The following CARD8 variants were observed in gnomAD, a reference collection of about 807,000 sequenced individuals.
CARD8 encodes the protein caspase recruitment domain family member 8, also known as caspase recruitment domain-containing protein 8.
CARD8 carries 38 observed loss-of-function variants against 53.2 expected under a neutral mutation model. The ratio of observed to expected loss-of-function variants is 0.71; its 90% CI spans 0.55 to 0.94. CARD8 has a LOEUF of 0.94. CARD8 is among the 40% of genes least tolerant of loss of function. The pLI is 0.00. For missense variants in CARD8, 561 were observed against 655.5 expected (o/e 0.86, Z 1.57); for synonymous variants, 245 against 244.9 (o/e 1.00, Z 0.00).
At chr19:48,222,332 C>T in intron 10 of CARD8, among the ~76,000 whole-genome samples, 1 of 152,154 alleles carries the variant, frequency 6.6e-6, no homozygotes, top group East Asian at 1.9e-4. Flanking sequence ...CACCTGACCA[C>T]CAGCGAGCAG....
intron 12 of CARD8, among the ~76,000 whole-genome samples, chr19:48,216,440 G>A (rs1019920482): frequency 1.3e-5 from 2 of 152,172 alleles, no homozygotes; most frequent in South Asian, 4.1e-4. Context: ...CCGACTGGAG[G>A]GAGGAGGCGG....
chr19:48,220,559 T>C (rs1002711530), intron 11 of CARD8, among the ~76,000 whole-genome samples: 1 of 152,134 alleles, frequency 6.6e-6, no homozygotes, highest in African/African-American at 2.4e-5. Context: ...CTAGAGATGG[T>C]ATATTGTGCT....
chr19:48,242,138 C>G (rs1009608860), intron 3 of CARD8, among the ~76,000 whole-genome samples: 1 of 152,170 alleles, frequency 6.6e-6, no homozygotes, highest in Non-Finnish European at 1.5e-5. Context: ...GAAATCCTAA[C>G]TCCAAATGTG....
chr19:48,211,151 C>T lies in CARD8; in HGVS notation c.*559G>A, dbSNP rs1227035012. 1 of 152,200 alleles carries T rather than the reference C, an allele frequency of 6.6e-6. No homozygotes were observed. The highest frequency in any genetic ancestry group is 1.5e-5 in the Non-Finnish European group (1 of 68,072). The allele number at this position is 152,200 out of a possible 1,614,324, so 9.4% of individuals were successfully genotyped here. A position where few individuals can be genotyped will look rare whatever the true frequency, so the allele number is the denominator to read the frequency against. ...TTGCATTTTCTCCCATTTTTGTGCTCTCTTTCAGCAAATACATTTACATTG... is the reference window on the plus strand; with the variant it reads ...TTGCATTTTCTCCCATTTTTGTGCTTTCTTTCAGCAAATACATTTACATTG... On this transcript the variant is annotated 3_prime_UTR_variant, in exon 14 of 14. Coordinates refer to ENST00000651546, the MANE Select transcript of CARD8 (RefSeq NM_001184900.3).
rs368737434 is a variant in CARD8, at chr19:48,213,984, A to T, written c.1348+1356T>A. 2.6e-4 allele frequency among the ~76,000 whole-genome samples: 40 copies of T among 152,234 alleles called. No individual in the cohort carries two copies. In the South Asian group the frequency reaches 8.1e-3, roughly 31 times the overall value. On this transcript the variant is annotated intron_variant, in intron 13 of 13. Transcript: ENST00000651546. ...ATGTCACCTTTACTCTGTCCCTCTA[A>T]CAGTTTAATTCACAGCCATATCAAA...
intron 3 of CARD8, among the ~76,000 whole-genome samples, chr19:48,244,419 C>T (rs536088843): frequency 2.0e-5 from 3 of 152,202 alleles, no homozygotes; most frequent in South Asian, 4.1e-4. Flanking sequence ...TGAAGCATGG[C>T]GGAGGAACAG....
Position 48,238,550 on chromosome 19 carries a change from G to C in CARD8, c.60-18C>G, listed in dbSNP as rs1305048952. ...CACTGTCCCTGGGAAAACACAAATG[G>C]AATTGGAATGTGAGCATGTCAGAGG... On this transcript the variant is annotated intron_variant, in intron 4 of 13. Transcript: ENST00000651546. The C allele has an allele frequency of 6.5e-7, 1 of 1,535,998 alleles. No individual in the cohort carries two copies. Among genetic ancestry groups the C allele is most frequent in the Admixed American group, 2.0e-5 (1 of 50,932 alleles).
intron 10 of CARD8, among the ~76,000 whole-genome samples, chr19:48,226,032 G>A (rs1434402920): frequency 1.4e-5 from 2 of 141,576 alleles, no homozygotes; most frequent in Non-Finnish European, 3.0e-5. Flanking sequence ...CCAGCCTGGG[G>A]GACACAGCAA....
At chr19:48,253,428 G>A (rs962843850) in intron 1 of CARD8, among the ~76,000 whole-genome samples, 1 of 152,132 alleles carries the variant, frequency 6.6e-6, no homozygotes, top group African/African-American at 2.4e-5. Context: ...ATGTTTCCAA[G>A]TGGGGCCACT....
chr19:48,253,276 G>A (rs369036566), intron 1 of CARD8, among the ~76,000 whole-genome samples: 1 of 151,816 alleles, frequency 6.6e-6, no homozygotes, highest in South Asian at 2.1e-4. Context: ...GTAGAGACGG[G>A]GTTTCACCAA....
chr19:48,230,118 AAAG>A (rs1405751079), intron 10 of CARD8, among the ~76,000 whole-genome samples: 1 of 152,190 alleles, frequency 6.6e-6, no homozygotes, highest in Non-Finnish European at 1.5e-5. Flanking sequence ...GTCTCTAAAA[AAAG>A]AAAAAAACAA....
intron 1 of CARD8, among the ~76,000 whole-genome samples, chr19:48,252,498 A>AT (rs34903597): frequency 0.2 from 29,220 of 145,740 alleles, 2,983 homozygotes; most frequent in East Asian, 0.32. Flanking sequence ...AATATATATA[A>AT]TTTTTTTTTT....
downstream of CARD8, among the ~76,000 whole-genome samples, chr19:48,207,860 C>T (rs750618492): frequency 1.6e-4 from 24 of 150,516 alleles, no homozygotes; most frequent in Admixed American, 3.3e-4. Flanking sequence ...CTTAGCCTCC[C>T]GAGCAGCTGG....
chr19:48,204,734 C>T (rs936638243), downstream of CARD8, among the ~76,000 whole-genome samples: 11 of 152,098 alleles, frequency 7.2e-5, no homozygotes, highest in Non-Finnish European at 1.2e-4. Flanking sequence ...TTGGGAAGAA[C>T]TGGCGCTGTA....
chr19:48,209,835 A>G lies in CARD8; in HGVS notation c.*1875T>C, dbSNP rs1438073015. Reference sequence around the variant, plus strand: ...ACAGTAGAAGACATGAGAAGGATATAAAAGTTTGTTTTCTGTATTCTTTCA... The same window carrying G: ...ACAGTAGAAGACATGAGAAGGATATGAAAGTTTGTTTTCTGTATTCTTTCA... On this transcript the variant is annotated 3_prime_UTR_variant, in exon 14 of 14. Transcript: ENST00000651546. The G allele has an allele frequency of 1.3e-5, 2 of 152,356 alleles. No homozygotes were observed. Among genetic ancestry groups the G allele is most frequent in the African/African-American group, 4.8e-5 (2 of 41,470 alleles). The allele number at this position is 152,356 out of a possible 1,614,324, so 9.4% of individuals were successfully genotyped here. A position where few individuals can be genotyped will look rare whatever the true frequency, so the allele number is the denominator to read the frequency against.
downstream of CARD8, among the ~76,000 whole-genome samples, chr19:48,205,458 G>T (rs1326958815): frequency 6.6e-6 from 1 of 152,064 alleles, no homozygotes; most frequent in Admixed American, 6.6e-5. Flanking sequence ...TTGAACTCCT[G>T]ACCTCAAGAG....
In CARD8 at chr19:48,215,394, A is replaced by C. The variant is rs1213903237; in HGVS notation, c.1304-10T>G. On this transcript the variant is annotated splice_polypyrimidine_tract_variant and intron_variant, in intron 12 of 13. Coordinates refer to ENST00000651546, the MANE Select transcript of CARD8 (RefSeq NM_001184900.3). The stretch of plus-strand genomic sequence containing the variant: ...ACAAGCTGGAGATCCACTACAAAAG[A>C]GGGAAAAATTATATGATGAGATGAG... 1 of 1,600,650 alleles carries C rather than the reference A, an allele frequency of 6.2e-7. No homozygotes were observed. The highest frequency in any genetic ancestry group is 8.6e-7 in the Non-Finnish European group (1 of 1,168,096).
At chr19:48,232,647 A>G in intron 6 of CARD8, 154 bp from the exon 7 acceptor site, 1 of 737,972 alleles carries the variant, frequency 1.4e-6, no homozygotes. Context: ...AATTAAACTT[A>G]GGTAAACTTT....
intron 10 of CARD8, among the ~76,000 whole-genome samples, chr19:48,229,871 G>C (rs535624106): frequency 6.6e-6 from 1 of 152,150 alleles, no homozygotes; most frequent in Non-Finnish European, 1.5e-5. Flanking sequence ...CCAACACTTC[G>C]GGAGGCCAAG....
Sources: gnomAD v4.1 joint callset for allele counts (sites outside exome capture counted in the v4.1 genomes callset) on GRCh38, gnomAD v4.1.1 for gene constraint, MANE v1.5 for transcripts, NCBI Gene and HGNC (gene_info 2026-07-23, HGNC 2026-07-21) for gene names.